Variants in NELL2 observed in about 807,000 individuals in gnomAD.
NELL2 encodes neural EGFL like 2, also known as protein kinase C-binding protein NELL2.
Under a neutral mutation model 109.6 loss-of-function variants are expected in NELL2, and 41 were observed. The ratio of observed to expected loss-of-function variants is 0.37; its 90% CI spans 0.29 to 0.49. The LOEUF is 0.49. Among genes scored for constraint, NELL2 ranks in the 20% least tolerant of loss-of-function variants. The probability of loss-of-function intolerance (pLI) is 0.98; values close to 1 mark genes in which losing one functional copy is unlikely to be tolerated. For synonymous variants in NELL2, 355 were observed against 344.7 expected (o/e 1.03, Z -0.33); for missense variants, 900 against 1,008.3 (o/e 0.89, Z 1.45).
At chr12:44,757,399 A>G (rs1357115635) in intron 9 of NELL2, among the ~76,000 whole-genome samples, 1 of 152,064 alleles carries the variant, frequency 6.6e-6, no homozygotes, top group Non-Finnish European at 1.5e-5. Flanking sequence ...ATGCTTCCTA[A>G]TGCTTTGGGG....
intron 15 of NELL2, among the ~76,000 whole-genome samples, chr12:44,593,233 T>C (rs1944824396): frequency 6.6e-6 from 1 of 152,104 alleles, no homozygotes; most frequent in Admixed American, 6.5e-5. Context: ...GAATTGAAAG[T>C]GACTGAGATC....
At chr12:44,625,481 C>T (rs1754815131) in intron 13 of NELL2, among the ~76,000 whole-genome samples, 1 of 152,074 alleles carries the variant, frequency 6.6e-6, no homozygotes, top group Non-Finnish European at 1.5e-5. Flanking sequence ...TATTATTTAT[C>T]ATTGCCAAAC....
intron 2 of NELL2, among the ~76,000 whole-genome samples, chr12:44,865,834 A>AAAG (rs1357484721): frequency 2.0e-4 from 30 of 150,850 alleles, no homozygotes; most frequent in African/African-American, 7.3e-4. Context: ...ATTAAAAAAA[A>AAAG]AAAGTTTTAA....
chr12:44,546,602 C>T lies in NELL2; in HGVS notation c.1664-13881G>A, dbSNP rs566379313. ...TTGATGGTGCTTTAAAACCTCTTAA[C>T]CACACAACCTGATGGCACTGTCTGG... On this transcript the variant is annotated intron_variant, in intron 15 of 19. Coordinates refer to ENST00000429094, the MANE Select transcript of NELL2 (RefSeq NM_001145108.2). Among the ~76,000 whole-genome samples, 7 of 152,278 alleles carry T rather than the reference C, an allele frequency of 4.6e-5. No individual in the cohort carries two copies. The South Asian group carries it at 8.3e-4, about 18-fold the overall frequency.
chr12:44,649,032 C>T (rs1338387400), intron 13 of NELL2, among the ~76,000 whole-genome samples: 4 of 151,430 alleles, frequency 2.6e-5, no homozygotes, highest in Admixed American at 1.3e-4. Flanking sequence ...TCCCAAAGTG[C>T]TGGGATTACA....
At chr12:44,610,748 T>C in intron 14 of NELL2, 100 bp downstream of exon 14, 3 of 1,505,134 alleles carry the variant, frequency 2.0e-6, no homozygotes, top group South Asian at 1.2e-5. Flanking sequence ...CTGTAGGAAG[T>C]ACCTGGAATG....
intron 2 of NELL2, among the ~76,000 whole-genome samples, chr12:44,824,527 G>GT (rs1201742354): frequency 3.3e-5 from 5 of 151,990 alleles, no homozygotes; most frequent in Non-Finnish European, 5.9e-5. Context: ...CTCGTATGCT[G>GT]TTGGCACTTT....
At chr12:44,684,106 G>A (rs1327785087) in intron 12 of NELL2, among the ~76,000 whole-genome samples, 1 of 152,144 alleles carries the variant, frequency 6.6e-6, no homozygotes, top group Non-Finnish European at 1.5e-5. Context: ...GCCTGTTATT[G>A]GTCTATTCAG....
chr12:44,880,568 A>G (rs1945400046), upstream of NELL2, among the ~76,000 whole-genome samples: 1 of 152,094 alleles, frequency 6.6e-6, no homozygotes, highest in Non-Finnish European at 1.5e-5. Context: ...ATAACAGACT[A>G]GAAAGAATAG....
intron 2 of NELL2, among the ~76,000 whole-genome samples, chr12:44,864,365 T>C (rs906486083): frequency 1.2e-4 from 18 of 151,036 alleles, no homozygotes; most frequent in Non-Finnish European, 1.5e-5. Flanking sequence ...AGACAGAAAG[T>C]GAAGGAATAA....
At chr12:44,594,404 G>T (rs1944880370) in intron 15 of NELL2, among the ~76,000 whole-genome samples, 1 of 152,064 alleles carries the variant, frequency 6.6e-6, no homozygotes, top group Admixed American at 6.5e-5. Context: ...TAAAATTGTT[G>T]CAATACTTTA....
intron 15 of NELL2, among the ~76,000 whole-genome samples, chr12:44,587,284 A>AAAAAAAAAAAAAATATAT: frequency 4.2e-5 from 3 of 72,216 alleles, no homozygotes; most frequent in Non-Finnish European, 5.4e-5. Context: ...AAAAAAAAAA[A>AAAAAAAAAAAAAATATAT]ATATATATAT....
At chr12:44,881,959 A>C (rs1397303651) in intron 1 of NELL2, 1 of 152,070 alleles carries the variant, frequency 6.6e-6, no homozygotes, top group Non-Finnish European at 1.5e-5. Flanking sequence ...CATGGAGGCC[A>C]CAAAAAAGTG....
chr12:44,567,374 AC>A (rs1943702331), intron 15 of NELL2, among the ~76,000 whole-genome samples: 1 of 152,238 alleles, frequency 6.6e-6, no homozygotes, highest in Admixed American at 6.5e-5. Flanking sequence ...AGATACATAT[AC>A]TTAACCTAGT....
At chr12:44,587,284 A>AAAAAAAAAAAATATAT in intron 15 of NELL2, among the ~76,000 whole-genome samples, 2 of 72,218 alleles carry the variant, frequency 2.8e-5, no homozygotes, top group African/African-American at 1.0e-4. Context: ...AAAAAAAAAA[A>AAAAAAAAAAAATATAT]ATATATATAT....
chr12:44,665,687 G>A, intron 12 of NELL2, 78 bp from the exon 13 acceptor site: 1 of 1,433,190 alleles, frequency 7.0e-7, no homozygotes, highest in South Asian at 1.7e-5. Flanking sequence ...TTGGTAGGGA[G>A]AGGGAAGTAT....
intron 9 of NELL2, among the ~76,000 whole-genome samples, chr12:44,742,565 A>T (rs539223468): frequency 6.6e-6 from 1 of 152,312 alleles, no homozygotes; most frequent in Non-Finnish European, 1.5e-5. Flanking sequence ...TTTGAACAAA[A>T]ATTAGACGAA....
At chr12:44,849,112 T>C (rs1411185462) in intron 2 of NELL2, among the ~76,000 whole-genome samples, 5 of 152,108 alleles carry the variant, frequency 3.3e-5, no homozygotes, top group African/African-American at 9.7e-5. Flanking sequence ...TTTTAAAAGG[T>C]TTTTAAAATT....
At chr12:44,669,975 A>T (rs912974516) in intron 12 of NELL2, among the ~76,000 whole-genome samples, 1 of 152,214 alleles carries the variant, frequency 6.6e-6, no homozygotes, top group Admixed American at 6.5e-5. Flanking sequence ...AAAGTCAAAG[A>T]CAAACAGCAA....
Sources: gnomAD v4.1 joint callset for allele counts (sites outside exome capture counted in the v4.1 genomes callset) on GRCh38, gnomAD v4.1.1 for gene constraint, MANE v1.5 for transcripts, NCBI Gene and HGNC (gene_info 2026-07-23, HGNC 2026-07-21) for gene names.